Variants in CD99L2 observed in about 807,000 individuals in gnomAD.
CD99L2 encodes CD99 molecule like 2.
CD99L2 carries 24 observed loss-of-function variants against 27.3 expected under a neutral mutation model. That is an observed-to-expected ratio of 0.88 (90% CI 0.64 to 1.24). The LOEUF (loss-of-function observed/expected upper bound fraction) is 1.24, where lower values mean the gene tolerates loss of function less well. Among genes scored for constraint, CD99L2 ranks in the 50% most tolerant of loss-of-function variants. CD99L2 has a pLI of 0.00. For synonymous variants in CD99L2, 97 were observed against 87.9 expected, an observed-to-expected ratio of 1.10 and a Z score of -0.58; for missense variants, 255 against 221.6, an observed-to-expected ratio of 1.15 and a Z score of -0.96.
chrX:150,823,270 GGTTA>G (rs1366120048), intron 2 of CD99L2, among the ~76,000 whole-genome samples: 1 of 111,587 alleles, frequency 9.0e-6, no homozygotes, highest in East Asian at 2.8e-4. Flanking sequence ...TTGGTTGGTT[GGTTA>G]TTTATTTAGT....
chrX:150,824,806 A>G (rs1194528530), intron 2 of CD99L2, among the ~76,000 whole-genome samples: 4 of 112,362 alleles, frequency 3.6e-5, no homozygotes, highest in Non-Finnish European at 7.5e-5. Flanking sequence ...CTTCCAAACC[A>G]TAGCAAGGGG....
intron 1 of CD99L2, among the ~76,000 whole-genome samples, chrX:150,893,359 G>A (rs1021569236): frequency 3.6e-5 from 4 of 109,735 alleles, no homozygotes; most frequent in Non-Finnish European, 7.6e-5. Flanking sequence ...TCCTGAACTC[G>A]GGCAGGCAGG....
At chrX:150,802,390 C>T (rs2045921362) in intron 4 of CD99L2, among the ~76,000 whole-genome samples, 1 of 108,052 alleles carries the variant, frequency 9.3e-6, no homozygotes, top group Non-Finnish European at 1.9e-5. Flanking sequence ...ATGGTGAAAT[C>T]CCATCTTTAC....
intron 1 of CD99L2, among the ~76,000 whole-genome samples, chrX:150,837,252 ATT>A (rs1169617487): frequency 9.7e-6 from 1 of 103,127 alleles, no homozygotes; most frequent in African/African-American, 3.5e-5. Context: ...AAGTATTATT[ATT>A]TTTTTTTTTT....
At chrX:150,837,633 G>A (rs1160059183) in intron 1 of CD99L2, among the ~76,000 whole-genome samples, 1 of 112,057 alleles carries the variant, frequency 8.9e-6, no homozygotes, top group African/African-American at 3.2e-5. Flanking sequence ...GGCTATGGCT[G>A]GAATAAATTT....
At chrX:150,872,013 T>A in intron 1 of CD99L2, among the ~76,000 whole-genome samples, 1 of 111,522 alleles carries the variant, frequency 9.0e-6, no homozygotes, top group Non-Finnish European at 1.9e-5. Context: ...AGAGAATCAC[T>A]TGAGCCCAGG....
chrX:150,892,125 G>A lies in CD99L2; in HGVS notation c.67+6397C>T, dbSNP rs782039833. Among the ~76,000 whole-genome samples, 185 of 111,034 alleles carry A rather than the reference G, an allele frequency of 1.7e-3. 1 individual carries two copies. Among genetic ancestry groups the A allele is most frequent in the African/African-American group, 5.9e-3 (180 of 30,514 alleles). On this transcript the variant is annotated intron_variant, in intron 1 of 10. Transcript: ENST00000370377. ...AGTTCCAGCTACTCGGGAGGCTGAG[G>A]CAGGAGAATTGCTTGAACCCAGGAG...
At chrX:150,838,898 T>TAAAAAAAAAAAAAAAAAAAAAAAAAAA (rs1161488139) in intron 1 of CD99L2, among the ~76,000 whole-genome samples, 1 of 23,570 alleles carries the variant, frequency 4.2e-5, no homozygotes, top group Non-Finnish European at 7.3e-5. Context: ...ATCATATCAG[T>TAAAAAAAAAAAAAAAAAAAAAAAAAAA]AAAAAAAAAA....
chrX:150,878,385 T>C (rs782196788), intron 1 of CD99L2, among the ~76,000 whole-genome samples: 14 of 109,217 alleles, frequency 1.3e-4, no homozygotes, highest in Admixed American at 1.1e-3. Flanking sequence ...AAATGTCCCA[T>C]TCACAACAGG....
chrX:150,895,473 CAG>C (rs1351685838), intron 1 of CD99L2, among the ~76,000 whole-genome samples: 2 of 111,288 alleles, frequency 1.8e-5, no homozygotes, highest in African/African-American at 3.3e-5. Flanking sequence ...TCAGATTATG[CAG>C]AGTTGCTTCT....
At chrX:150,818,702 T>A (rs2046201512) in intron 2 of CD99L2, 1 of 148,421 alleles carries the variant, frequency 6.7e-6, no homozygotes, top group Non-Finnish European at 1.4e-5. Flanking sequence ...AACTTTCACT[T>A]TAATAAACTA....
intron 1 of CD99L2, among the ~76,000 whole-genome samples, chrX:150,840,936 G>A (rs1411183955): frequency 2.8e-5 from 3 of 108,914 alleles, no homozygotes; most frequent in African/African-American, 6.7e-5. Flanking sequence ...GCTTGGTGGG[G>A]GAAAAAAAAG....
intron 4 of CD99L2, among the ~76,000 whole-genome samples, chrX:150,804,951 C>T (rs1557420195): frequency 4.5e-5 from 5 of 111,528 alleles, no homozygotes; most frequent in African/African-American, 1.3e-4. Flanking sequence ...TTTGGGAGGC[C>T]GAGGCAGGAG....
intron 4 of CD99L2, among the ~76,000 whole-genome samples, chrX:150,803,941 CT>C (rs1357844314): frequency 8.9e-6 from 1 of 112,068 alleles, no homozygotes; most frequent in Non-Finnish European, 1.9e-5. Flanking sequence ...AAAACATTTC[CT>C]CTGTAAAAGA....
intron 1 of CD99L2, among the ~76,000 whole-genome samples, chrX:150,845,822 G>A (rs192054445): frequency 1.7e-3 from 194 of 112,412 alleles, no homozygotes; most frequent in African/African-American, 6.0e-3. Flanking sequence ...CAAGGCTTAG[G>A]GTCCCATGAT....
chrX:150,897,535 G>C (rs2047631919), intron 1 of CD99L2, among the ~76,000 whole-genome samples: 1 of 111,281 alleles, frequency 9.0e-6, no homozygotes, highest in South Asian at 3.8e-4. Context: ...AAGTGTGTGT[G>C]TGTGTGTGTG....
chrX:150,782,897 G>A (rs2045535059), intron 7 of CD99L2, among the ~76,000 whole-genome samples: 1 of 110,849 alleles, frequency 9.0e-6, no homozygotes, highest in East Asian at 2.8e-4. Context: ...AAGGGATCAT[G>A]AGAGGGCCCA....
chrX:150,816,128 A>G, intron 2 of CD99L2, 50 bp from the exon 3 acceptor site: 1 of 1,117,916 alleles, frequency 8.9e-7, no homozygotes, highest in Non-Finnish European at 1.2e-6. Context: ...GTAACAAAAC[A>G]CAGCAGCTAC....
At chrX:150,786,591 T>C (rs782223594) in intron 7 of CD99L2, among the ~76,000 whole-genome samples, 1 of 112,083 alleles carries the variant, frequency 8.9e-6, no homozygotes, top group Non-Finnish European at 1.9e-5. Context: ...CTGGTATATA[T>C]GTACCACATT....
Sources: allele counts gnomAD v4.1 joint callset (sites outside exome capture counted in the v4.1 genomes callset), GRCh38; gene constraint gnomAD v4.1.1; transcripts MANE v1.5; gene names NCBI Gene and HGNC (gene_info 2026-07-23, HGNC 2026-07-21).